CLDN10: variants seen among roughly 807,000 people sequenced by gnomAD.
The protein encoded by CLDN10 is claudin 10.
Under a neutral mutation model 22.9 loss-of-function variants are expected in CLDN10, and 15 were observed. That is an observed-to-expected ratio of 0.65 (90% CI 0.44 to 1.01). The LOEUF (loss-of-function observed/expected upper bound fraction) is 1.01. Ranked by LOEUF, CLDN10 falls within the 50% of genes least tolerant of loss-of-function variation. The pLI is 0.00. For synonymous variants in CLDN10, 114 were observed against 111.4 expected (o/e 1.02, Z -0.15); for missense variants, 247 against 287.8 (o/e 0.86, Z 1.03).
chr13:95,538,153 C>CTTTT (rs1176533524), intron 1 of CLDN10, among the ~76,000 whole-genome samples: 22 of 66,818 alleles, frequency 3.3e-4, no homozygotes, highest in Admixed American at 4.6e-4. Flanking sequence ...CTGTTTATTT[C>CTTTT]TTTTTTTTTT....
intron 1 of CLDN10, among the ~76,000 whole-genome samples, chr13:95,482,861 C>G (rs568227613): frequency 6.6e-6 from 1 of 152,068 alleles, no homozygotes; most frequent in Non-Finnish European, 1.5e-5. Flanking sequence ...TGCCTGTAAT[C>G]CCAGCTACTC....
At chr13:95,557,469 G>A (rs896046227) in intron 1 of CLDN10, among the ~76,000 whole-genome samples, 2 of 152,106 alleles carry the variant, frequency 1.3e-5, no homozygotes, top group African/African-American at 2.4e-5. Context: ...TCAGGCTTAC[G>A]AGCAACTCCA....
chr13:95,515,154 C>A (rs2043150266), intron 1 of CLDN10, among the ~76,000 whole-genome samples: 2 of 151,296 alleles, frequency 1.3e-5, no homozygotes, highest in Non-Finnish European at 2.9e-5. Context: ...TAGAGGCACT[C>A]AACCCACTGC....
chr13:95,522,902 C>G (rs1039593308), intron 1 of CLDN10, among the ~76,000 whole-genome samples: 2 of 151,748 alleles, frequency 1.3e-5, no homozygotes, highest in Non-Finnish European at 2.9e-5. Context: ...CATTATATAT[C>G]TTTTTCATTT....
intron 1 of CLDN10, among the ~76,000 whole-genome samples, chr13:95,531,428 T>C (rs1334786805): frequency 6.6e-6 from 1 of 152,206 alleles, no homozygotes; most frequent in Non-Finnish European, 1.5e-5. Flanking sequence ...ATTTTTCTAG[T>C]AGGCGGTCAA....
intron 1 of CLDN10, among the ~76,000 whole-genome samples, chr13:95,435,777 G>A (rs1209309963): frequency 4.6e-5 from 7 of 152,004 alleles, no homozygotes. Flanking sequence ...ATGGCATATG[G>A]TAAGTCTGTT....
At chr13:95,439,544 G>C (rs1450570857) in intron 1 of CLDN10, among the ~76,000 whole-genome samples, 1 of 152,030 alleles carries the variant, frequency 6.6e-6, no homozygotes, top group Non-Finnish European at 1.5e-5. Context: ...GGGTTGTCCA[G>C]GTTGGTCTCA....
chr13:95,577,555 T>C (rs1343970372), intron 4 of CLDN10, among the ~76,000 whole-genome samples: 2 of 152,226 alleles, frequency 1.3e-5, no homozygotes, highest in Non-Finnish European at 1.5e-5. Context: ...TATGAGGACA[T>C]GTTCTTCACG....
chr13:95,481,670 A>G (rs1043311570), intron 1 of CLDN10, among the ~76,000 whole-genome samples: 2 of 152,212 alleles, frequency 1.3e-5, no homozygotes, highest in Non-Finnish European at 2.9e-5. Context: ...TGAATTTCAG[A>G]TAATCTTCCT....
chr13:95,495,551 T>A (rs1326010589), intron 1 of CLDN10, among the ~76,000 whole-genome samples: 1 of 151,264 alleles, frequency 6.6e-6, no homozygotes, highest in Admixed American at 6.6e-5. Flanking sequence ...GAGGCCATCC[T>A]GGCTAACACA....
At chr13:95,446,868 A>C (rs1379958549) in intron 1 of CLDN10, among the ~76,000 whole-genome samples, 2 of 152,104 alleles carry the variant, frequency 1.3e-5, no homozygotes, top group East Asian at 3.8e-4. Flanking sequence ...AATATAATTA[A>C]TATAAGAAAC....
chr13:95,529,724 C>T (rs1334185626), intron 1 of CLDN10, among the ~76,000 whole-genome samples: 2 of 152,124 alleles, frequency 1.3e-5, no homozygotes, highest in Non-Finnish European at 2.9e-5. Context: ...AATCTCTGGT[C>T]ATATCCAGGA....
At chr13:95,525,946 T>C (rs919382337) in intron 1 of CLDN10, among the ~76,000 whole-genome samples, 2 of 152,230 alleles carry the variant, frequency 1.3e-5, no homozygotes, top group South Asian at 4.1e-4. Context: ...GGTCTATAAA[T>C]CCTCTTATTT....
At chr13:95,469,716 C>T (rs567604847) in intron 1 of CLDN10, among the ~76,000 whole-genome samples, 1 of 152,282 alleles carries the variant, frequency 6.6e-6, no homozygotes, top group South Asian at 2.1e-4. Flanking sequence ...CCAGGATGAG[C>T]AAGGGAGGCC....
At chr13:95,441,894 G>C (rs938782671) in intron 1 of CLDN10, among the ~76,000 whole-genome samples, 1 of 152,228 alleles carries the variant, frequency 6.6e-6, no homozygotes, top group African/African-American at 2.4e-5. Context: ...GCTCATGCCT[G>C]TAATCCTAGC....
At chr13:95,517,953 A>G (rs9561894) in intron 1 of CLDN10, among the ~76,000 whole-genome samples, 8,573 of 126,588 alleles carry the variant, frequency 0.068, 367 homozygotes, top group South Asian at 0.1. Flanking sequence ...AAAAAAAAAA[A>G]AGAGAGATTG....
intron 1 of CLDN10, among the ~76,000 whole-genome samples, chr13:95,443,397 T>G (rs1403487144): frequency 1.3e-5 from 2 of 152,120 alleles, no homozygotes; most frequent in East Asian, 3.8e-4. Context: ...TAAAATGAAC[T>G]GGGGATTTGT....
At chr13:95,448,174 T>A (rs2042399143) in intron 1 of CLDN10, among the ~76,000 whole-genome samples, 1 of 151,946 alleles carries the variant, frequency 6.6e-6, no homozygotes, top group African/African-American at 2.4e-5. Flanking sequence ...ACACAATCTC[T>A]TATCACGCAG....
chr13:95,522,465 A>C (rs377523666), intron 1 of CLDN10, among the ~76,000 whole-genome samples: 1 of 152,098 alleles, frequency 6.6e-6, no homozygotes, highest in East Asian at 1.9e-4. Context: ...GTCAGAAAAC[A>C]TACTCTGATT....
Sources: gnomAD v4.1 joint callset for allele counts (sites outside exome capture counted in the v4.1 genomes callset) on GRCh38, gnomAD v4.1.1 for gene constraint, MANE v1.5 for transcripts, NCBI Gene and HGNC (gene_info 2026-07-23, HGNC 2026-07-21) for gene names.